Variants in DLG1 observed in about 807,000 individuals in gnomAD.
DLG1 encodes the protein discs large MAGUK scaffold protein 1, also known as disks large homolog 1.
A neutral mutation model predicts 123.4 loss-of-function variants in DLG1; 42 were observed. The observed-to-expected ratio is 0.34, with a 90% CI of 0.27 to 0.44. The LOEUF is 0.44. DLG1 is among the 20% of genes least tolerant of loss of function. The pLI, the probability that DLG1 is intolerant of heterozygous loss-of-function variation, is 1.00. For synonymous variants in DLG1, 317 were observed against 356.2 expected (o/e 0.89, Z 1.24); for missense variants, 942 against 1,082.6 (o/e 0.87, Z 1.82).
intron 4 of DLG1, among the ~76,000 whole-genome samples, chr3:197,240,067 C>G (rs1340704305): frequency 6.6e-6 from 1 of 152,104 alleles, no homozygotes. Context: ...GGATGCATCT[C>G]AAATGCCAGA....
chr3:197,114,163 G>T (rs1412234681), intron 13 of DLG1, among the ~76,000 whole-genome samples: 1 of 152,172 alleles, frequency 6.6e-6, no homozygotes, highest in Non-Finnish European at 1.5e-5. Context: ...GGCAAAATTT[G>T]AAAAGACAAT....
intron 14 of DLG1, among the ~76,000 whole-genome samples, chr3:197,096,509 A>G (rs1270045000): frequency 6.6e-6 from 1 of 152,128 alleles, no homozygotes; most frequent in African/African-American, 2.4e-5. Flanking sequence ...ACCTCTCCAG[A>G]TGTGAGGTGT....
chr3:197,253,961 G>C (rs1000275454), intron 4 of DLG1, among the ~76,000 whole-genome samples: 3 of 151,714 alleles, frequency 2.0e-5, no homozygotes, highest in African/African-American at 7.3e-5. Flanking sequence ...TGCACACGAA[G>C]GAAAGAATCT....
chr3:197,042,745 G>A lies in DLG1; in HGVS notation c.*1878C>T, dbSNP rs1720969629. ...TCTTCATACTAGTGTGTTTCTATGT[G>A]GTTAACAACCTACGACATTTAGTCT... On this transcript the variant is annotated 3_prime_UTR_variant, in exon 25 of 25. Transcript: ENST00000667157. 1 of 152,128 alleles carries A rather than the reference G, an allele frequency of 6.6e-6. No individual in the cohort carries two copies. Among genetic ancestry groups the A allele is most frequent in the African/African-American group, 2.4e-5 (1 of 41,410 alleles). The allele number at this position is 152,128 out of a possible 1,614,324, so 9.4% of individuals were successfully genotyped here. A position where few individuals can be genotyped will look rare whatever the true frequency, so the allele number is the denominator to read the frequency against.
intron 6 of DLG1, among the ~76,000 whole-genome samples, chr3:197,144,077 C>T (rs1789445741): frequency 6.6e-6 from 1 of 152,150 alleles, no homozygotes. Flanking sequence ...TGGCTCACAT[C>T]TTCCATTCCA....
intron 14 of DLG1, among the ~76,000 whole-genome samples, chr3:197,094,781 A>T (rs1408347744): frequency 6.6e-6 from 1 of 152,094 alleles, no homozygotes; most frequent in African/African-American, 2.4e-5. Flanking sequence ...TCCAGTTTTT[A>T]TATGTGAAAG....
At chr3:197,061,484 GTA>G (rs893964213) in intron 22 of DLG1, among the ~76,000 whole-genome samples, 2 of 152,162 alleles carry the variant, frequency 1.3e-5, no homozygotes, top group Non-Finnish European at 2.9e-5. Context: ...TTGGAAAAGA[GTA>G]AAAAAATGTC....
chr3:197,125,758 A>T (rs1481297776), intron 11 of DLG1, among the ~76,000 whole-genome samples: 1 of 152,214 alleles, frequency 6.6e-6, no homozygotes, highest in Non-Finnish European at 1.5e-5. Context: ...TGGATGAATC[A>T]TTAGTGTGGT....
chr3:197,087,045 G>T (rs1754811161), intron 15 of DLG1, among the ~76,000 whole-genome samples: 1 of 152,110 alleles, frequency 6.6e-6, no homozygotes, highest in African/African-American at 2.4e-5. Flanking sequence ...TCGTAAGAGT[G>T]CAATGAACAT....
rs768988105 is a variant in DLG1, at chr3:197,049,254, T to C, written c.2575+2323A>G. Reference sequence around the variant, plus strand: ...ATCAACAGAACCCAGGAGGCGATGGTTGCAGCAAGCTGAGATCACACCCGC... The same window carrying C: ...ATCAACAGAACCCAGGAGGCGATGGCTGCAGCAAGCTGAGATCACACCCGC... On this transcript the variant is annotated intron_variant, in intron 24 of 24. Coordinates refer to ENST00000667157, the MANE Select transcript of DLG1 (RefSeq NM_001366207.1). 4.3e-4 allele frequency among the ~76,000 whole-genome samples: 65 copies of C among 152,048 alleles called. 1 individual carries two copies. The highest frequency in any genetic ancestry group is 7.4e-5 in the Non-Finnish European group (5 of 68,002).
At chr3:197,146,480 C>T (rs1344658791) in intron 6 of DLG1, among the ~76,000 whole-genome samples, 1 of 152,060 alleles carries the variant, frequency 6.6e-6, no homozygotes, top group Non-Finnish European at 1.5e-5. Context: ...GAATAGAAAA[C>T]CCAGAAATAA....
intron 4 of DLG1, among the ~76,000 whole-genome samples, chr3:197,245,976 T>G (rs373505587): frequency 1.3e-5 from 2 of 151,218 alleles, no homozygotes; most frequent in East Asian, 3.9e-4. Flanking sequence ...GTCTTGGCCC[T>G]TGCTACTGAT....
At chr3:197,058,694 T>C (rs751184142) in intron 23 of DLG1, among the ~76,000 whole-genome samples, 23 of 152,228 alleles carry the variant, frequency 1.5e-4, no homozygotes, top group Non-Finnish European at 2.9e-4. Flanking sequence ...AGTGCAGTGT[T>C]TAACAGATGT....
intron 4 of DLG1, among the ~76,000 whole-genome samples, chr3:197,208,991 T>TA (rs1432909572): frequency 6.9e-6 from 1 of 145,802 alleles, no homozygotes; most frequent in Non-Finnish European, 1.5e-5. Context: ...GCAAATCCAC[T>TA]AAAAAAATTA....
chr3:197,171,906 TG>T (rs1804388511), intron 5 of DLG1, among the ~76,000 whole-genome samples: 1 of 152,124 alleles, frequency 6.6e-6, no homozygotes, highest in Non-Finnish European at 1.5e-5. Context: ...TAACCTAAAA[TG>T]GGCCCTTAAT....
At chr3:197,094,635 ATCT>A (rs1233223067) in intron 14 of DLG1, among the ~76,000 whole-genome samples, 2 of 152,044 alleles carry the variant, frequency 1.3e-5, no homozygotes, top group African/African-American at 2.4e-5. Context: ...CTTCCTTATA[ATCT>A]TCTTCATTAA....
intron 4 of DLG1, among the ~76,000 whole-genome samples, chr3:197,268,458 C>T (rs1762586491): frequency 6.6e-6 from 1 of 151,930 alleles, no homozygotes; most frequent in African/African-American, 2.4e-5. Flanking sequence ...CTTGATCCGT[C>T]GCCCAGGCTG....
intron 1 of DLG1, chr3:197,298,136 G>C (rs1392142957): frequency 5.0e-6 from 1 of 200,208 alleles, no homozygotes; most frequent in African/African-American, 2.3e-5. Context: ...CCCCCGAGCT[G>C]GCCTGCCGCG....
chr3:197,275,545 A>T (rs1412668301), intron 4 of DLG1, among the ~76,000 whole-genome samples: 3 of 152,238 alleles, frequency 2.0e-5, no homozygotes, highest in Non-Finnish European at 2.9e-5. Flanking sequence ...TATATAGACA[A>T]TAGAATATTA....
Sources: gnomAD v4.1 joint callset for allele counts (sites outside exome capture counted in the v4.1 genomes callset) on GRCh38, gnomAD v4.1.1 for gene constraint, MANE v1.5 for transcripts, NCBI Gene and HGNC (gene_info 2026-07-23, HGNC 2026-07-21) for gene names.